The following CFI variants were observed in gnomAD, a reference collection of about 807,000 sequenced individuals.
CFI encodes complement factor I.
CFI carries 66 observed loss-of-function variants against 78.8 expected under a neutral mutation model. That is an observed-to-expected ratio of 0.84 (90% CI 0.69 to 1.03). The LOEUF (loss-of-function observed/expected upper bound fraction) is 1.03. Among genes scored for constraint, CFI ranks in the 50% least tolerant of loss-of-function variants. CFI has a pLI of 0.00. For missense variants in CFI, 706 were observed against 704.5 expected, an observed-to-expected ratio of 1.00 and a Z score of -0.02; for synonymous variants, 250 against 232.6, an observed-to-expected ratio of 1.07 and a Z score of -0.68.
In CFI at chr4:109,752,483, C is replaced by A. The variant is rs539987354; in HGVS notation, c.925G>T (p.Ala309Ser). 3 of 1,613,294 alleles carry A rather than the reference C, an allele frequency of 1.9e-6. No individual in the cohort carries two copies. Among genetic ancestry groups the A allele is most frequent in the South Asian group, 2.2e-5 (2 of 91,044 alleles). The change falls in exon 8 of 13, where the codon GCT becomes TCT. Residue 309 changes from alanine to serine, a missense_variant. Transcript: ENST00000394634. ...VTQEETEILTADMDAERRRIK... is the reference protein window; with the variant it reads ...VTQEETEILTSDMDAERRRIK... ...GTTAGCTTACCTGCATCCATGTCAG[C>A]AGTCAAAATTTCTGTTTCTTCTATG...
At chr4:109,787,742 T>C (rs1353709585) in intron 1 of CFI, among the ~76,000 whole-genome samples, 2 of 151,950 alleles carry the variant, frequency 1.3e-5, no homozygotes, top group East Asian at 3.9e-4. Context: ...AAACTGGAAA[T>C]ATTGTTTTGG....
chr4:109,762,083 C>T (rs758768860), intron 3 of CFI: 13 of 214,682 alleles, frequency 6.1e-5, no homozygotes, highest in Non-Finnish European at 1.0e-4. Flanking sequence ...CTCAGCTATT[C>T]GGGAGGCTGA....
chr4:109,747,222 T>C (rs1724585267), intron 10 of CFI, among the ~76,000 whole-genome samples: 1 of 152,194 alleles, frequency 6.6e-6, no homozygotes, highest in Non-Finnish European at 1.5e-5. Context: ...GTCTCACTCT[T>C]TTGCCTAAGC....
intron 6 of CFI, chr4:109,758,035 AT>A (rs1726546081): frequency 9.0e-7 from 1 of 1,107,376 alleles, no homozygotes; most frequent in Non-Finnish European, 1.2e-6. Context: ...AAATTATTAA[AT>A]TTCAGACTAG....
intron 1 of CFI, among the ~76,000 whole-genome samples, chr4:109,776,026 T>A (rs570285685): frequency 6.6e-6 from 1 of 152,160 alleles, no homozygotes; most frequent in Non-Finnish European, 1.5e-5. Flanking sequence ...ACCACAAAGA[T>A]GGGGAGAAAC....
At chr4:109,767,033 G>A (rs1325127910) in intron 1 of CFI, among the ~76,000 whole-genome samples, 2 of 152,136 alleles carry the variant, frequency 1.3e-5, no homozygotes, top group Non-Finnish European at 2.9e-5. Context: ...AATGGGGAAA[G>A]GATTCCCTAT....
intron 7 of CFI, among the ~76,000 whole-genome samples, chr4:109,753,455 A>AT (rs1725573716): frequency 3.5e-5 from 2 of 57,312 alleles, no homozygotes; most frequent in African/African-American, 1.1e-4. Flanking sequence ...ATAAATATTT[A>AT]TATATATATT....
intron 1 of CFI, among the ~76,000 whole-genome samples, chr4:109,780,666 T>C (rs1729894395): frequency 6.6e-6 from 1 of 152,204 alleles, no homozygotes; most frequent in Non-Finnish European, 1.5e-5. Context: ...CAAAGAATTA[T>C]AAATCATGCT....
In CFI at chr4:109,790,607, A is replaced by G. The variant is rs375240624; in HGVS notation, c.57+11308T>C. Among the ~76,000 whole-genome samples the G allele has an allele frequency of 5.9e-5, 9 of 152,182 alleles. No individual in the cohort carries two copies. The East Asian group carries it at 1.4e-3, about 23-fold the overall frequency. On this transcript the variant is annotated intron_variant, in intron 1 of 12. Coordinates refer to ENST00000394634, the MANE Select transcript of CFI (RefSeq NM_000204.5). Reference sequence around the variant, plus strand: ...CTCCTCCCAGCCTCCATCTTCTAATAGGCCCAGTGTGTCTGATAGGCCCCT... The same window carrying G: ...CTCCTCCCAGCCTCCATCTTCTAATGGGCCCAGTGTGTCTGATAGGCCCCT...
intron 1 of CFI, among the ~76,000 whole-genome samples, chr4:109,767,843 T>G (rs1187195829): frequency 6.6e-6 from 1 of 152,082 alleles, no homozygotes. Context: ...GTATGTTTAT[T>G]GCGGCACTAT....
chr4:109,778,308 G>A (rs1425010845), intron 1 of CFI, among the ~76,000 whole-genome samples: 76 of 151,902 alleles, frequency 5.0e-4, no homozygotes, highest in East Asian at 5.8e-4. Context: ...TATCACCACC[G>A]ATCCCACAGA....
intron 1 of CFI, among the ~76,000 whole-genome samples, chr4:109,773,719 G>C (rs1354956985): frequency 6.6e-6 from 1 of 152,138 alleles, no homozygotes; most frequent in Non-Finnish European, 1.5e-5. Context: ...TACTGGGTTG[G>C]CTGTTAAGAG....
intron 8 of CFI, 35 bp downstream of exon 8, chr4:109,752,433 T>G: frequency 6.2e-7 from 1 of 1,607,282 alleles, no homozygotes; most frequent in Non-Finnish European, 8.5e-7. Flanking sequence ...CCTAAACCAG[T>G]GAGCCACCAA....
intron 1 of CFI, among the ~76,000 whole-genome samples, chr4:109,797,995 T>C (rs1267594996): frequency 1.3e-5 from 2 of 152,172 alleles, no homozygotes; most frequent in East Asian, 3.8e-4. Flanking sequence ...GAAATATTAT[T>C]TGGCCTTAAA....
In CFI at chr4:109,774,913, T is replaced by C. The variant is rs138415911; in HGVS notation, c.58-8089A>G. Among the ~76,000 whole-genome samples, 983 of 152,264 alleles carry C rather than the reference T, an allele frequency of 6.5e-3. 11 individuals are homozygous for C. The highest frequency in any genetic ancestry group is 0.022 in the African/African-American group (911 of 41,554). On this transcript the variant is annotated intron_variant, in intron 1 of 12. Transcript: ENST00000394634. ...AGAATGTCAATTTGTGCTCTTTCAG[T>C]CTTTTTGATGTAGGCATTTAGGGTT...
At chr4:109,798,426 C>T (rs893602409) in intron 1 of CFI, among the ~76,000 whole-genome samples, 4 of 151,872 alleles carry the variant, frequency 2.6e-5, no homozygotes, top group African/African-American at 7.3e-5. Flanking sequence ...CAGACATATA[C>T]TAATCTCCAA....
chr4:109,746,160 C>T, intron 11 of CFI, 62 bp downstream of exon 11: 1 of 1,569,398 alleles, frequency 6.4e-7, no homozygotes, highest in South Asian at 1.1e-5. Context: ...AGCTCCTATA[C>T]ATTTCTATTC....
the CFI span, among the ~76,000 whole-genome samples, chr4:109,731,455 A>G: frequency 7.9e-5 from 12 of 152,382 alleles, no homozygotes; most frequent in South Asian, 2.1e-3. Flanking sequence ...AAATGAGCTT[A>G]TAATAAACGT....
At chr4:109,757,711 C>T (rs1277872017) in intron 7 of CFI, 52 bp downstream of exon 7, 6 of 1,175,352 alleles carry the variant, frequency 5.1e-6, no homozygotes, top group African/African-American at 4.6e-5. Flanking sequence ...ACCAAAGAAC[C>T]TGAGTTTTGT....
Sources: allele counts gnomAD v4.1 joint callset (sites outside exome capture counted in the v4.1 genomes callset), GRCh38; gene constraint gnomAD v4.1.1; transcripts MANE v1.5; gene names NCBI Gene and HGNC (gene_info 2026-07-23, HGNC 2026-07-21).